The following TPM1 variants were observed in gnomAD, a reference collection of about 807,000 sequenced individuals.
TPM1 encodes tropomyosin alpha-1 chain.
Under a neutral mutation model 42.9 loss-of-function variants are expected in TPM1, and 24 were observed. That is an observed-to-expected ratio of 0.56 (90% CI 0.41 to 0.79). The LOEUF (loss-of-function observed/expected upper bound fraction) is 0.79. Among genes scored for constraint, TPM1 ranks in the 30% least tolerant of loss-of-function variants. The pLI, the probability that TPM1 is intolerant of heterozygous loss-of-function variation, is 0.00. For synonymous variants in TPM1, 136 were observed against 130.1 expected (o/e 1.05, Z -0.31); for missense variants, 158 against 351.8 (o/e 0.45, Z 4.41).
In TPM1 at chr15:63,061,798, G is replaced by T; in HGVS notation, c.639+10G>T. ...GGCTCAGGCTGAGAAGGTAGGCCAG[G>T]AGGATGGTGTGGGGGAAAGGCATCT... On this transcript the variant is annotated intron_variant, in intron 6 of 9. Transcript: ENST00000403994. 1 of 1,613,930 alleles carries T rather than the reference G, an allele frequency of 6.2e-7. No homozygotes were observed. The highest frequency in any genetic ancestry group is 8.5e-7 in the Non-Finnish European group (1 of 1,179,816).
chr15:63,071,455 A>G lies in TPM1; in HGVS notation c.*283A>G, dbSNP rs8519. On this transcript the variant is annotated 3_prime_UTR_variant, in exon 9 of 9. Coordinates refer to the TPM1 transcript ENST00000267996. ...AGCGTAGGAATCCTCACTAAAGCAG[A>G]AGAAGTTCCATTCAAAGTGCCAATG... The G allele has an allele frequency of 0.66, 262,032 of 396,252 alleles. 88,054 individuals are homozygous for G. Among genetic ancestry groups the G allele is most frequent in the East Asian group, 0.97 (17,033 of 17,518 alleles). 24.5% of individuals were successfully genotyped at this position (396,252 alleles called of 1,614,324 possible).
chr15:63,059,469 A>G, intron 3 of TPM1, 94 bp from the exon 4 acceptor site: 1 of 968,254 alleles, frequency 1.0e-6, no homozygotes, highest in South Asian at 1.3e-5. Context: ...TTGGTCTACC[A>G]CTTACACTAA....
chr15:63,063,072 G>A (rs2035864646), intron 8 of TPM1: 1 of 980,218 alleles, frequency 1.0e-6, no homozygotes, highest in Admixed American at 6.2e-5. Flanking sequence ...AGGATTTAGG[G>A]GTTATTTTAA....
In TPM1 at chr15:63,065,938, G is replaced by A; in HGVS notation, c.*39G>A. 6.2e-7 allele frequency: 1 copy of A among 1,607,538 alleles called. No individual in the cohort carries two copies. The highest frequency in any genetic ancestry group is 1.7e-4 in the Middle Eastern group (1 of 6,052). ...ACTTCTCCCAAGACTCCCTCGTCGA[G>A]CTGGATGTCCCACCTCTCTGAGCTC... On this transcript the variant is annotated 3_prime_UTR_variant, in exon 10 of 10. Coordinates refer to ENST00000403994, the MANE Select transcript of TPM1 (RefSeq NM_001018005.2).
chr15:63,066,055 G>C lies in TPM1; in HGVS notation c.*156G>C. ...ACACTGTGCTTTCTATTGTACAGAA[G>C]CTCTTCGTTTCAGTGTCAAATAAAC... On this transcript the variant is annotated 3_prime_UTR_variant, in exon 10 of 10. Coordinates refer to ENST00000403994, the MANE Select transcript of TPM1 (RefSeq NM_001018005.2). 6.5e-7 allele frequency: 1 copy of C among 1,539,348 alleles called. No individual in the cohort carries two copies. The highest frequency in any genetic ancestry group is 8.7e-7 in the Non-Finnish European group (1 of 1,146,012).
chr15:63,071,064 G>T, downstream of TPM1: 2 of 1,613,494 alleles, frequency 1.2e-6, no homozygotes, highest in South Asian at 2.2e-5. Context: ...AGCTATTCAT[G>T]ACTTAATTTT....
chr15:63,056,789 G>T, intron 2 of TPM1, 196 bp from the exon 3 acceptor site: 1 of 695,388 alleles, frequency 1.4e-6, no homozygotes, highest in East Asian at 2.6e-5. Flanking sequence ...ACACAAATAT[G>T]GATGTTCACT....
At position 63,062,556 on chromosome 15, in the gene TPM1, A is replaced by C. The variant is rs1197955644; in HGVS notation, c.703-20A>C. On this transcript the variant is annotated intron_variant, in intron 7 of 9. Transcript: ENST00000403994. ...GGAAACATAAAACTTCCCAACTTTA[A>C]CTCAAATAAATCATTACAGGCTGAG... 1.2e-6 allele frequency: 2 copies of C among 1,613,984 alleles called. No individual in the cohort carries two copies. Among genetic ancestry groups the C allele is most frequent in the South Asian group, 2.2e-5 (2 of 91,076 alleles).
chr15:63,062,692 C>G, intron 8 of TPM1, 47 bp downstream of exon 8: 1 of 1,613,936 alleles, frequency 6.2e-7, no homozygotes, highest in African/African-American at 1.3e-5. Context: ...TGGTTGAATA[C>G]CAACCTGGCA....
chr15:63,043,670 T>G, intron 1 of TPM1: 1 of 1,538,412 alleles, frequency 6.5e-7, no homozygotes, highest in Non-Finnish European at 8.7e-7. Context: ...ACCCGGTCCG[T>G]GCCGGCCGCC....
chr15:63,062,102 AC>A, intron 6 of TPM1, 112 bp from the exon 7 acceptor site: 1 of 929,168 alleles, frequency 1.1e-6, no homozygotes, highest in Non-Finnish European at 1.8e-6. Flanking sequence ...AGGTTCCATT[AC>A]CTCCTAAGAG....
chr15:63,066,371 G>T (rs2036274813), downstream of TPM1, among the ~76,000 whole-genome samples: 1 of 152,202 alleles, frequency 6.6e-6, no homozygotes. Context: ...TGGGGGAATT[G>T]TGATGGCTCT....
intron 2 of TPM1, chr15:63,048,602 G>A: frequency 6.5e-7 from 1 of 1,532,228 alleles, no homozygotes; most frequent in South Asian, 1.2e-5. Flanking sequence ...CGCTGGAGGC[G>A]GTGCGCAGGA....
chr15:63,060,782 G>A, intron 4 of TPM1, 87 bp from the exon 5 acceptor site: 7 of 1,449,010 alleles, frequency 4.8e-6, no homozygotes, highest in Non-Finnish European at 5.8e-6. Context: ...CTTAGGGCCT[G>A]ATGGGATCTG....
At chr15:63,043,462 C>G (rs1328115046) in intron 1 of TPM1, 1 of 687,704 alleles carries the variant, frequency 1.5e-6, no homozygotes, top group Non-Finnish European at 2.6e-6. Context: ...TCTGTGTCCC[C>G]AAGTAGTGGA....
intron 5 of TPM1, 189 bp downstream of exon 5, chr15:63,061,128 T>G: frequency 1.3e-6 from 2 of 1,517,644 alleles, no homozygotes; most frequent in East Asian, 2.3e-5. Flanking sequence ...TGAATGCGTG[T>G]ATCACTGCAT....
chr15:63,043,830 A>G (rs527917980), intron 1 of TPM1, 197 bp from the exon 2 acceptor site: 3 of 1,548,718 alleles, frequency 1.9e-6, no homozygotes, highest in Non-Finnish European at 2.6e-6. Flanking sequence ...GCCGCCGCCA[A>G]GGTACCCGGG....
At chr15:63,060,778 G>T in intron 4 of TPM1, 91 bp from the exon 5 acceptor site, 1 of 1,398,210 alleles carries the variant, frequency 7.2e-7, no homozygotes, top group East Asian at 2.3e-5. Context: ...AACCCTTAGG[G>T]CCTGATGGGA....
At chr15:63,065,462 T>C in intron 9 of TPM1, 1 of 985,414 alleles carries the variant, frequency 1.0e-6, no homozygotes, top group Non-Finnish European at 1.2e-6. Flanking sequence ...AAAAAGCCTC[T>C]AGAGACATGA....
Sources: gnomAD v4.1 joint callset for allele counts (sites outside exome capture counted in the v4.1 genomes callset) on GRCh38, gnomAD v4.1.1 for gene constraint, MANE v1.5 for transcripts, NCBI Gene and HGNC (gene_info 2026-07-23, HGNC 2026-07-21) for gene names.